NELFCD: variants seen among roughly 807,000 people sequenced by gnomAD.
NELFCD encodes the protein negative elongation factor C/D.
In NELFCD, 48 loss-of-function variants were observed where a neutral mutation model predicts 72.9. The ratio of observed to expected loss-of-function variants is 0.66; its 90% CI spans 0.52 to 0.84. NELFCD has a LOEUF of 0.84. NELFCD is among the 40% of genes least tolerant of loss of function. NELFCD has a pLI of 0.00. For synonymous variants in NELFCD, 297 were observed against 280.6 expected, an observed-to-expected ratio of 1.06 and a Z score of -0.59; for missense variants, 538 against 723.8, an observed-to-expected ratio of 0.74 and a Z score of 2.94.
rs1243804842 is a variant in NELFCD, at chr20:58,987,783, G to A, written c.362G>A (p.Arg121His). Residue 121 changes from arginine to histidine, a missense_variant, in exon 4 of 15, where the codon CGC becomes CAC. By Grantham distance (29) the Arg-to-His change is conservative (BLOSUM62 0). Coordinates refer to ENST00000652272, the MANE Select transcript of NELFCD (RefSeq NM_198976.4). ...TTGCTGATCAAACATTTTGACCCCC[G>A]CAAAGCAGATTCTATTTTTACTGAA... ...KSLLIKHFDP[R>H]KADSIFTEEG... 2.5e-6 allele frequency: 4 copies of A among 1,614,050 alleles called. No homozygotes were observed. The highest frequency in any genetic ancestry group is 1.3e-5 in the African/African-American group (1 of 75,022).
chr20:58,990,936 T>C lies in NELFCD; in HGVS notation c.815T>C (p.Leu272Pro). 1.9e-6 allele frequency: 3 copies of C among 1,614,196 alleles called. No individual in the cohort carries two copies. Among genetic ancestry groups the C allele is most frequent in the Non-Finnish European group, 2.5e-6 (3 of 1,180,020 alleles). ...EKGHDASQIT[L>P]ALGTAASYPR... Reference sequence around the variant, plus strand: ...GGTCATGACGCCAGTCAGATCACACTAGCCTTGGGCACAGCTGCCTCCTAC... The same window carrying C: ...GGTCATGACGCCAGTCAGATCACACCAGCCTTGGGCACAGCTGCCTCCTAC... The change falls in exon 8 of 15, where the codon CTA becomes CCA. Residue 272 changes from leucine to proline, a missense_variant. This residue lies in a region of NELFCD where 355 missense variants were observed against 534.5 expected (regional missense o/e 0.66). Coordinates refer to ENST00000652272, the MANE Select transcript of NELFCD (RefSeq NM_198976.4).
At position 58,986,230 on chromosome 20, in the gene NELFCD, A is replaced by G; in HGVS notation, c.176+22A>G. Reference sequence around the variant, plus strand: ...AGAGGTATGTGAGAAAGGTGTCTGTATTGGGAGGAGGCTGGGGGTAATTTA... The same window carrying G: ...AGAGGTATGTGAGAAAGGTGTCTGTGTTGGGAGGAGGCTGGGGGTAATTTA... On this transcript the variant is annotated intron_variant, in intron 2 of 14. Coordinates refer to ENST00000652272, the MANE Select transcript of NELFCD (RefSeq NM_198976.4). The surrounding 1 kb of genome is among the most constrained non-coding windows in gnomAD (Gnocchi z 4.4). The G allele has an allele frequency of 2.0e-6, 3 of 1,483,340 alleles. No individual in the cohort carries two copies. The highest frequency in any genetic ancestry group is 2.8e-6 in the Non-Finnish European group (3 of 1,060,896). The allele number at this position is 1,483,340 out of a possible 1,614,324, so 91.9% of individuals were successfully genotyped here. A position where few individuals can be genotyped will look rare whatever the true frequency, so the allele number is the denominator to read the frequency against.
chr20:58,988,943 A>G lies in NELFCD; in HGVS notation c.426A>G (p.Ala142=), dbSNP rs2091792749. Residue 142 remains alanine (A), a synonymous_variant, in exon 5 of 15, where the codon GCA becomes GCG. Coordinates refer to ENST00000652272, the MANE Select transcript of NELFCD (RefSeq NM_198976.4). ...CAGCGTGGCTGGAACAGATGATTGCACATACCACGTGGCGGGACCTTTTTT... is the reference window on the plus strand; with the variant it reads ...CAGCGTGGCTGGAACAGATGATTGCGCATACCACGTGGCGGGACCTTTTTT... ...ETPAWLEQMI[A]HTTWRDLFYK... The G allele has an allele frequency of 1.9e-6, 3 of 1,614,080 alleles. No homozygotes were observed. Among genetic ancestry groups the G allele is most frequent in the Middle Eastern group, 1.6e-4 (1 of 6,084 alleles).
chr20:58,994,518 C>T (rs573739769), intron 14 of NELFCD, 124 bp from the exon 15 acceptor site: 39 of 810,972 alleles, frequency 4.8e-5, no homozygotes, highest in African/African-American at 4.6e-4. Flanking sequence ...GCCAAGATCG[C>T]GCCATTGCAC....
chr20:58,993,039 G>A lies in NELFCD; in HGVS notation c.1271G>A (p.Trp424Ter). Reference protein sequence around the residue: ...VAMGVLKWVDWTVSEPRYFQL... With the variant: ...VAMGVLKWVD Reference sequence around the variant, plus strand: ...ATGGGTGTGCTGAAGTGGGTGGATTGGACTGTATCAGAACCAAGGTACTTT... The same window carrying A: ...ATGGGTGTGCTGAAGTGGGTGGATTAGACTGTATCAGAACCAAGGTACTTT... Residue 424 changes from tryptophan (W) to a stop codon, truncating the protein, a stop_gained, in exon 11 of 15, where the codon TGG becomes TAG. Coordinates refer to ENST00000652272, the MANE Select transcript of NELFCD (RefSeq NM_198976.4). LOFTEE classifies it high-confidence loss of function. This position sits in a 1 kb window ranked among gnomAD's most constrained non-coding sequence, Gnocchi z 5.0. 6.2e-7 allele frequency: 1 copy of A among 1,614,126 alleles called. No individual in the cohort carries two copies. The highest frequency in any genetic ancestry group is 8.5e-7 in the Non-Finnish European group (1 of 1,180,010).
intron 6 of NELFCD, 80 bp downstream of exon 6, chr20:58,989,720 C>T (rs749104695): frequency 3.1e-6 from 5 of 1,604,166 alleles, no homozygotes; most frequent in Admixed American, 1.7e-5. Context: ...TGCTCCTTCC[C>T]TGGAGAGAAT....
rs1370728757 is a variant in NELFCD at position 58,986,390 on chromosome 20, C to G, written c.176+182C>G. On this transcript the variant is annotated intron_variant, in intron 2 of 14. Coordinates refer to ENST00000652272, the MANE Select transcript of NELFCD (RefSeq NM_198976.4). This position sits in a 1 kb window ranked among gnomAD's most constrained non-coding sequence, Gnocchi z 4.4. Reference sequence around the variant, plus strand: ...AATTTTTTTAAGACAGAGTCTTGCTCTGTTGCAGTGGCACAATCACCGCTC... The same window carrying G: ...AATTTTTTTAAGACAGAGTCTTGCTGTGTTGCAGTGGCACAATCACCGCTC... 3.5e-6 allele frequency: 2 copies of G among 575,660 alleles called. No individual in the cohort carries two copies. The highest frequency in any genetic ancestry group is 5.9e-5 in the East Asian group (2 of 34,188). 35.7% of individuals were successfully genotyped at this position (575,660 alleles called of 1,614,324 possible). A position where few individuals can be genotyped will look rare whatever the true frequency, so the allele number is the denominator to read the frequency against.
At position 58,989,641 on chromosome 20, in the gene NELFCD, G is replaced by C; in HGVS notation, c.657+1G>C. ...TGAAAAAAATCTCCCTGAGTTTGCC[G>C]TAAGTTCTTTCTTTATGAACCTCAG... On this transcript the variant is annotated splice_donor_variant, in intron 6 of 14. Transcript: ENST00000652272. LOFTEE classifies it high-confidence loss of function. 2 of 1,614,198 alleles carry C rather than the reference G, an allele frequency of 1.2e-6. No individual in the cohort carries two copies. Among genetic ancestry groups the C allele is most frequent in the East Asian group, 2.2e-5 (1 of 44,878 alleles).
chr20:58,983,582 C>T (rs1239328397), intron 1 of NELFCD, among the ~76,000 whole-genome samples: 4 of 151,898 alleles, frequency 2.6e-5, no homozygotes, highest in Non-Finnish European at 4.4e-5. Context: ...GGTGCCACCA[C>T]ACCCGGCTAA....
In NELFCD at chr20:58,987,114, C is replaced by T. The variant is rs80086546; in HGVS notation, c.286+251C>T. The T allele has an allele frequency of 1.8e-3, 818 of 465,474 alleles. 7 individuals are homozygous for T. Among genetic ancestry groups the T allele is most frequent in the African/African-American group, 0.014 (706 of 49,322 alleles). 28.8% of individuals were successfully genotyped at this position (465,474 alleles called of 1,614,324 possible). On this transcript the variant is annotated intron_variant, in intron 3 of 14. Transcript: ENST00000652272. ...AACGTGATTCTCATTGAGCTGTTTT[C>T]CCTACCATGTTGTAGAATTATAGGA...
At chr20:58,991,224 C>T (rs2091814234) in intron 8 of NELFCD, 88 bp from the exon 9 acceptor site, 5 of 1,582,728 alleles carry the variant, frequency 3.2e-6, no homozygotes, top group African/African-American at 1.3e-5. Flanking sequence ...GCCTGTTGGG[C>T]CCCTGCTGTG....
rs2091728423 is a variant in NELFCD, at chr20:58,981,269, G to T, written c.-41G>T. 2.9e-6 allele frequency: 3 copies of T among 1,049,166 alleles called. No homozygotes were observed. The highest frequency in any genetic ancestry group is 2.3e-6 in the Non-Finnish European group (2 of 871,094). The allele number at this position is 1,049,166 out of a possible 1,614,324, so 65.0% of individuals were successfully genotyped here. A position where few individuals can be genotyped will look rare whatever the true frequency, so the allele number is the denominator to read the frequency against. On this transcript the variant is annotated 5_prime_UTR_variant, in exon 1 of 15. Transcript: ENST00000652272. ...CCCGCCTCGCGCATGCGCCGCGCTC[G>T]CTCGCGGGAGGGCATGGCGGGGGCC...
chr20:58,991,579 C>T (rs1331155349), intron 9 of NELFCD, 133 bp downstream of exon 9: 2 of 1,101,874 alleles, frequency 1.8e-6, no homozygotes, highest in Non-Finnish European at 2.6e-6. Flanking sequence ...TCTTGTGTTT[C>T]TGCGTAGAGA....
At position 58,986,189 on chromosome 20, in the gene NELFCD, A is replaced by G. The variant is rs1372994161; in HGVS notation, c.157A>G (p.Ile53Val). ...CCGGGATTATATCATGGAACCCTCC[A>G]TCTTCAACACTCTGAAGAGGTATGT... Reference protein sequence around the residue: ...STRDYIMEPSIFNTLKRYFQA... With the variant: ...STRDYIMEPSVFNTLKRYFQA... The change falls in exon 2 of 15, where the codon ATC becomes GTC. Residue 53 changes from isoleucine to valine, a missense_variant. This residue lies in a region of NELFCD where 355 missense variants were observed against 534.5 expected (regional missense o/e 0.66). Coordinates refer to ENST00000652272, the MANE Select transcript of NELFCD (RefSeq NM_198976.4). The surrounding 1 kb of genome is among the most constrained non-coding windows in gnomAD (Gnocchi z 4.4). The G allele has an allele frequency of 6.2e-7, 1 of 1,610,934 alleles. No individual in the cohort carries two copies. Among genetic ancestry groups the G allele is most frequent in the Non-Finnish European group, 8.5e-7 (1 of 1,177,060 alleles).
intron 1 of NELFCD, among the ~76,000 whole-genome samples, chr20:58,982,140 ATTTTTTTTTTTTTTT>A (rs751696443): frequency 1.2e-3 from 79 of 68,406 alleles, no homozygotes; most frequent in Middle Eastern, 0.019. Flanking sequence ...GGGAACTTGC[ATTTTTTTTTTTTTTT>A]TTTTTTTTTT....
Position 58,989,640 on chromosome 20 carries a change from C to CGT in NELFCD, c.657+1_657+2dup. On this transcript the variant is annotated frameshift_variant and splice_region_variant. Coordinates refer to ENST00000652272, the MANE Select transcript of NELFCD (RefSeq NM_198976.4). LOFTEE classifies it high-confidence loss of function. ...TTGAAAAAAATCTCCCTGAGTTTGCCGTAAGTTCTTTCTTTATGAACCTCA... is the reference window on the plus strand; with the variant it reads ...TTGAAAAAAATCTCCCTGAGTTTGCCGTGTAAGTTCTTTCTTTATGAACCTCA... 1 of 1,614,062 alleles carries CGT rather than the reference C, an allele frequency of 6.2e-7. No individual in the cohort carries two copies. Among genetic ancestry groups the CGT allele is most frequent in the Non-Finnish European group, 8.5e-7 (1 of 1,180,002 alleles).
In NELFCD at chr20:58,994,091, C is replaced by G; in HGVS notation, c.1582-19C>G. ...CGCACTAGTGTGCGGAAGAAGTCAC[C>G]CTGTGCTCCCCCACGCAGGTGCTGG... On this transcript the variant is annotated intron_variant, in intron 13 of 14. Coordinates refer to ENST00000652272, the MANE Select transcript of NELFCD (RefSeq NM_198976.4). The G allele has an allele frequency of 1.2e-6, 2 of 1,613,584 alleles. No individual in the cohort carries two copies.
rs1459058901 is a variant in NELFCD, at chr20:58,986,020, A to G, written c.61-73A>G. ...GAATACTTTCAAAATGGGCAGCATT[A>G]TACGATTTAAGGTGAGATTAGGGTA... On this transcript the variant is annotated intron_variant, in intron 1 of 14. Transcript: ENST00000652272. This position sits in a 1 kb window ranked among gnomAD's most constrained non-coding sequence, Gnocchi z 4.4. The G allele has an allele frequency of 2.0e-6, 2 of 979,110 alleles. No homozygotes were observed. Among genetic ancestry groups the G allele is most frequent in the Non-Finnish European group, 1.7e-6 (1 of 601,890 alleles). 60.7% of individuals were successfully genotyped at this position (979,110 alleles called of 1,614,324 possible).
Position 58,986,943 on chromosome 20 carries a change from T to A in NELFCD, c.286+80T>A, listed in dbSNP as rs1240730074. On this transcript the variant is annotated intron_variant, in intron 3 of 14. Transcript: ENST00000652272. The surrounding 1 kb of genome is among the most constrained non-coding windows in gnomAD (Gnocchi z 4.4). The stretch of plus-strand genomic sequence containing the variant: ...GACTTTTGGGTCCTTATAACACTGA[T>A]ACAATGCCTTCTTTGATTTCCTGGT... 1.3e-6 allele frequency: 1 copy of A among 747,850 alleles called. No homozygotes were observed. Among genetic ancestry groups the A allele is most frequent in the East Asian group, 2.8e-5 (1 of 35,816 alleles). The allele number at this position is 747,850 out of a possible 1,614,324, so 46.3% of individuals were successfully genotyped here.
Sources: allele counts gnomAD v4.1 joint callset (sites outside exome capture counted in the v4.1 genomes callset), GRCh38; gene constraint gnomAD v4.1.1; regional missense constraint gnomAD v4.1.1; non-coding constraint Gnocchi (gnomAD v3.1); transcripts MANE v1.5; gene names NCBI Gene and HGNC (gene_info 2026-07-23, HGNC 2026-07-21).